ROBO1: variants seen among roughly 807,000 people sequenced by gnomAD.
ROBO1 encodes roundabout homolog 1.
In ROBO1, 149 loss-of-function variants were observed where a neutral mutation model predicts 195.9. The ratio of observed to expected loss-of-function variants is 0.76; its 90% CI spans 0.67 to 0.87. The LOEUF is 0.87. Ranked by LOEUF, ROBO1 falls within the 40% of genes least tolerant of loss-of-function variation. The pLI is 0.00. For synonymous variants in ROBO1, 816 were observed against 733.2 expected (o/e 1.11, Z -1.82); for missense variants, 1,933 against 2,068.3 (o/e 0.93, Z 1.27).
At chr3:78,767,104 T>A (rs1186218528) in intron 4 of ROBO1, among the ~76,000 whole-genome samples, 1 of 152,080 alleles carries the variant, frequency 6.6e-6, no homozygotes, top group African/African-American at 2.4e-5. Context: ...CCTTTCCTGG[T>A]TTTGGTATTA....
At chr3:79,015,244 G>A (rs954540571) in intron 3 of ROBO1, among the ~76,000 whole-genome samples, 5 of 151,938 alleles carry the variant, frequency 3.3e-5, no homozygotes, top group African/African-American at 7.3e-5. Context: ...AGATCGTATC[G>A]GAACTACACA....
chr3:78,763,218 A>C (rs565159139), intron 4 of ROBO1, among the ~76,000 whole-genome samples: 1 of 152,322 alleles, frequency 6.6e-6, no homozygotes, highest in Admixed American at 6.5e-5. Flanking sequence ...AGCAACAATT[A>C]AGCAAAAGAG....
chr3:79,176,989 G>A (rs999726174), intron 2 of ROBO1, among the ~76,000 whole-genome samples: 4 of 151,962 alleles, frequency 2.6e-5, no homozygotes, highest in Non-Finnish European at 4.4e-5. Context: ...ACAAAATAAC[G>A]GCAAGACAAT....
chr3:79,736,224 G>A (rs997911235), intron 1 of ROBO1, among the ~76,000 whole-genome samples: 4 of 152,078 alleles, frequency 2.6e-5, no homozygotes, highest in South Asian at 2.1e-4. Flanking sequence ...AAGGTGTAAC[G>A]GAGCTTGATG....
At chr3:79,480,077 T>C (rs1372071653) in intron 2 of ROBO1, among the ~76,000 whole-genome samples, 1 of 152,204 alleles carries the variant, frequency 6.6e-6, no homozygotes, top group Non-Finnish European at 1.5e-5. Flanking sequence ...CGAAAAGGCT[T>C]TTTGTACAAA....
intron 4 of ROBO1, among the ~76,000 whole-genome samples, chr3:78,853,290 A>G (rs2034188555): frequency 1.3e-5 from 2 of 152,004 alleles, no homozygotes; most frequent in Admixed American, 6.6e-5. Flanking sequence ...TAAAGGAGAC[A>G]GAAAACTGAG....
At position 78,935,010 on chromosome 3, in the gene ROBO1, A is replaced by C. The variant is rs143228044; in HGVS notation, c.499+3591T>G. ...TTCTCATTTTACCCACATGAGGAAAACTGTATAATTTGAATTCTAAGTCAC... is the reference window on the plus strand; with the variant it reads ...TTCTCATTTTACCCACATGAGGAAACCTGTATAATTTGAATTCTAAGTCAC... On this transcript the variant is annotated intron_variant, in intron 4 of 30. Coordinates refer to ENST00000464233, the MANE Select transcript of ROBO1 (RefSeq NM_002941.4). Among the ~76,000 whole-genome samples the C allele has an allele frequency of 1.3e-3, 193 of 152,140 alleles. 1 individual carries two copies. The highest frequency in any genetic ancestry group is 4.5e-3 in the African/African-American group (187 of 41,554).
chr3:79,661,537 T>G (rs1257822585), intron 1 of ROBO1, among the ~76,000 whole-genome samples: 2 of 152,082 alleles, frequency 1.3e-5, no homozygotes, highest in Non-Finnish European at 2.9e-5. Flanking sequence ...CTTCCTTTTT[T>G]TTCTATCGTC....
chr3:78,701,977 C>T (rs1022230424), intron 8 of ROBO1, among the ~76,000 whole-genome samples: 4 of 152,162 alleles, frequency 2.6e-5, no homozygotes, highest in Non-Finnish European at 5.9e-5. Context: ...AATTAAAGTG[C>T]TCATGGTATT....
intron 3 of ROBO1, among the ~76,000 whole-genome samples, chr3:79,094,740 TG>T (rs1187556596): frequency 6.6e-6 from 1 of 152,124 alleles, no homozygotes; most frequent in East Asian, 1.9e-4. Context: ...CTCTGACTTT[TG>T]TGAGGGGGTG....
chr3:79,589,386 A>G (rs997631127), intron 2 of ROBO1, among the ~76,000 whole-genome samples: 16 of 151,710 alleles, frequency 1.1e-4, no homozygotes, highest in African/African-American at 3.6e-4. Context: ...TACATTGTTC[A>G]GCCTGTTAAT....
At chr3:79,020,873 C>T (rs2078086750) in intron 3 of ROBO1, among the ~76,000 whole-genome samples, 1 of 152,036 alleles carries the variant, frequency 6.6e-6, no homozygotes, top group African/African-American at 2.4e-5. Flanking sequence ...GAGGACAGAA[C>T]TGCGCAATGG....
intron 2 of ROBO1, among the ~76,000 whole-genome samples, chr3:79,498,179 TG>T (rs1939852182): frequency 6.6e-6 from 1 of 152,224 alleles, no homozygotes; most frequent in Non-Finnish European, 1.5e-5. Flanking sequence ...AAAGCATTTT[TG>T]TCATCTTTTG....
At chr3:79,166,666 C>T (rs1390912054) in intron 2 of ROBO1, among the ~76,000 whole-genome samples, 1 of 150,936 alleles carries the variant, frequency 6.6e-6, no homozygotes, top group Non-Finnish European at 1.5e-5. Flanking sequence ...CCCGGGTTCG[C>T]GCCATTCTCC....
In ROBO1 at chr3:79,249,406, G is replaced by A. The variant is rs143757508; in HGVS notation, c.89-123867C>T. Among the ~76,000 whole-genome samples the A allele has an allele frequency of 6.1e-3, 933 of 152,200 alleles. 4 individuals carry two copies. Among genetic ancestry groups the A allele is most frequent in the Middle Eastern group, 0.027 (8 of 294 alleles). ...TCTCTCAATTTAGGCAATAACTTTCGTGGTCATCTCACCTATGACCCCTCC... is the reference window on the plus strand; with the variant it reads ...TCTCTCAATTTAGGCAATAACTTTCATGGTCATCTCACCTATGACCCCTCC... On this transcript the variant is annotated intron_variant, in intron 2 of 30. Transcript: ENST00000464233.
At chr3:79,594,881 A>T (rs1232205091) in intron 1 of ROBO1, among the ~76,000 whole-genome samples, 1 of 152,044 alleles carries the variant, frequency 6.6e-6, no homozygotes, top group East Asian at 1.9e-4. Context: ...GCTTCATATT[A>T]GAATAGTATT....
chr3:79,144,224 T>C (rs950956841), intron 2 of ROBO1, among the ~76,000 whole-genome samples: 21 of 152,190 alleles, frequency 1.4e-4, no homozygotes, highest in African/African-American at 5.1e-4. Flanking sequence ...CAAGGGCATT[T>C]GGTAATCAAT....
intron 5 of ROBO1, among the ~76,000 whole-genome samples, chr3:78,731,239 A>G (rs2082278591): frequency 6.6e-6 from 1 of 152,214 alleles, no homozygotes; most frequent in African/African-American, 2.4e-5. Context: ...ATTAATTGTA[A>G]TAAGGGATAT....
chr3:79,379,098 AACATTACACATGT>A (rs2109363261), intron 2 of ROBO1, among the ~76,000 whole-genome samples: 1 of 151,740 alleles, frequency 6.6e-6, no homozygotes, highest in South Asian at 2.1e-4. Context: ...TAGCTAGTGG[AACATTACACATGT>A]ACACTACACA....
Sources: gnomAD v4.1 joint callset for allele counts (sites outside exome capture counted in the v4.1 genomes callset) on GRCh38, gnomAD v4.1.1 for gene constraint, MANE v1.5 for transcripts, NCBI Gene and HGNC (gene_info 2026-07-23, HGNC 2026-07-21) for gene names.